The following SEMA6D variants were observed in gnomAD, a reference collection of about 807,000 sequenced individuals.
SEMA6D encodes semaphorin 6D, also known as semaphorin-6D.
In SEMA6D, 35 loss-of-function variants were observed where a neutral mutation model predicts 106.6. The observed-to-expected ratio is 0.33, with a 90% CI of 0.25 to 0.44. The LOEUF is 0.44. Among genes scored for constraint, SEMA6D ranks in the 20% least tolerant of loss-of-function variants. The probability of loss-of-function intolerance (pLI) is 1.00; values close to 1 mark genes in which losing one functional copy is unlikely to be tolerated. For synonymous variants in SEMA6D, 499 were observed against 487.7 expected, an observed-to-expected ratio of 1.02 and a Z score of -0.31; for missense variants, 1,185 against 1,345.9, an observed-to-expected ratio of 0.88 and a Z score of 1.87.
In SEMA6D at chr15:47,753,006, C is replaced by CA. The variant is rs35829736; in HGVS notation, c.-54-6727dup. On this transcript the variant is annotated intron_variant, in intron 1 of 18. Transcript: ENST00000536845. The stretch of plus-strand genomic sequence containing the variant: ...CCTGGGCAACAGAGCAAGACACTGT[C>CA]AAAAAAAAAAAATAAGCACATGGGA... Among the ~76,000 whole-genome samples the CA allele has an allele frequency of 7.4e-3, 1,041 of 141,060 alleles. 9 individuals carry two copies. The highest frequency in any genetic ancestry group is 0.023 in the Admixed American group (320 of 14,206). The allele number at this position is 141,060 out of a possible 152,430, so 92.5% of individuals were successfully genotyped here.
At chr15:47,491,597 G>A (rs1399799200) in intron 3 of SEMA6D, among the ~76,000 whole-genome samples, 3 of 152,128 alleles carry the variant, frequency 2.0e-5, no homozygotes, top group African/African-American at 7.2e-5. Context: ...TAATGTAAGT[G>A]AATGGTAGTG....
chr15:47,750,120 A>G (rs949071438), intron 1 of SEMA6D, among the ~76,000 whole-genome samples: 3 of 152,158 alleles, frequency 2.0e-5, no homozygotes, highest in African/African-American at 7.2e-5. Flanking sequence ...CTTCTTTTCA[A>G]AGAAGCCTGG....
intron 3 of SEMA6D, among the ~76,000 whole-genome samples, chr15:47,493,633 T>C (rs1332457133): frequency 6.6e-6 from 1 of 152,184 alleles, no homozygotes; most frequent in African/African-American, 2.4e-5. Flanking sequence ...TTTGAGTGTT[T>C]TCTATTTGTC....
chr15:47,308,850 T>G lies in SEMA6D; in HGVS notation c.-238-103543T>G, dbSNP rs193187242. Among the ~76,000 whole-genome samples the G allele has an allele frequency of 9.8e-5, 15 of 152,356 alleles. No homozygotes were observed. The East Asian group carries it at 2.9e-3, about 29-fold the overall frequency. On this transcript the variant is annotated intron_variant, in intron 1 of 19. Coordinates refer to the SEMA6D transcript ENST00000558014. ...GTAGCTAAAATCAAATAAGTGAAGC[T>G]ACTCTAGTTACTTAAAAGTTCTACA...
intron 3 of SEMA6D, among the ~76,000 whole-genome samples, chr15:47,537,963 G>A (rs1272398499): frequency 2.0e-5 from 3 of 152,144 alleles, no homozygotes; most frequent in Non-Finnish European, 4.4e-5. Flanking sequence ...AGCATTGGAG[G>A]AGTAGACGTG....
chr15:47,199,647 C>T (rs1894588130), intron 1 of SEMA6D, among the ~76,000 whole-genome samples: 1 of 152,010 alleles, frequency 6.6e-6, no homozygotes, highest in African/African-American at 2.4e-5. Flanking sequence ...TTATTTATTC[C>T]ATCTTGACCT....
chr15:47,277,975 G>A (rs1384471241), intron 1 of SEMA6D, among the ~76,000 whole-genome samples: 7 of 152,020 alleles, frequency 4.6e-5, no homozygotes, highest in Middle Eastern at 3.2e-3. Context: ...GTATTCCATG[G>A]TGTATATGTA....
chr15:47,581,320 A>G (rs1481100080), intron 3 of SEMA6D: 1 of 486,554 alleles, frequency 2.1e-6, no homozygotes, highest in South Asian at 1.5e-5. Flanking sequence ...AGTGATTTTT[A>G]GGAACACATA....
intron 1 of SEMA6D, among the ~76,000 whole-genome samples, chr15:47,331,652 G>A (rs917070151): frequency 6.6e-6 from 1 of 152,070 alleles, no homozygotes; most frequent in African/African-American, 2.4e-5. Context: ...CAGTATCTTT[G>A]GATGGTGTAA....
At chr15:47,695,359 G>T (rs1218399186) in intron 4 of SEMA6D, among the ~76,000 whole-genome samples, 1 of 152,152 alleles carries the variant, frequency 6.6e-6, no homozygotes, top group Admixed American at 6.5e-5. Context: ...GACAGTTTGA[G>T]CATCTTCCTT....
chr15:47,474,002 CT>C (rs2042931510), intron 3 of SEMA6D, among the ~76,000 whole-genome samples: 1 of 152,118 alleles, frequency 6.6e-6, no homozygotes, highest in African/African-American at 2.4e-5. Flanking sequence ...AGCCGGAAGC[CT>C]GGGAAGGCTG....
chr15:47,387,280 T>A (rs1364213413), intron 1 of SEMA6D, among the ~76,000 whole-genome samples: 4 of 152,214 alleles, frequency 2.6e-5, no homozygotes, highest in African/African-American at 9.6e-5. Context: ...TCCATTTTAC[T>A]GATATTAAGG....
At chr15:47,348,961 T>C (rs1457957671) in intron 1 of SEMA6D, among the ~76,000 whole-genome samples, 1 of 152,072 alleles carries the variant, frequency 6.6e-6, no homozygotes, top group Non-Finnish European at 1.5e-5. Flanking sequence ...CCCTTGTTCT[T>C]AGCCAAGCAG....
intron 3 of SEMA6D, among the ~76,000 whole-genome samples, chr15:47,477,700 CAGTG>C (rs771704443): frequency 2.8e-4 from 42 of 152,036 alleles, no homozygotes; most frequent in Non-Finnish European, 5.4e-4. Flanking sequence ...TTGGGTGACA[CAGTG>C]AGAAGTATTT....
intron 4 of SEMA6D, among the ~76,000 whole-genome samples, chr15:47,670,328 G>A (rs1013815108): frequency 1.3e-5 from 2 of 152,208 alleles, no homozygotes; most frequent in South Asian, 2.1e-4. Flanking sequence ...TAACTTCACC[G>A]CAGAGAACAT....
chr15:47,675,484 C>A (rs940767500), intron 4 of SEMA6D, among the ~76,000 whole-genome samples: 2 of 152,102 alleles, frequency 1.3e-5, no homozygotes, highest in African/African-American at 2.4e-5. Flanking sequence ...AGGAGAGGGA[C>A]CTCAGGGAAA....
At chr15:47,710,474 C>T (rs1165043717) in intron 4 of SEMA6D, among the ~76,000 whole-genome samples, 1 of 151,938 alleles carries the variant, frequency 6.6e-6, no homozygotes, top group African/African-American at 2.4e-5. Flanking sequence ...TAATTATGAC[C>T]CAGAAATTCA....
intron 1 of SEMA6D, among the ~76,000 whole-genome samples, chr15:47,267,227 A>G (rs1020884867): frequency 6.6e-6 from 1 of 152,070 alleles, no homozygotes; most frequent in Non-Finnish European, 1.5e-5. Flanking sequence ...TATTCTTGAT[A>G]TATACTTTTG....
At chr15:47,306,237 C>G (rs1212040263) in intron 1 of SEMA6D, among the ~76,000 whole-genome samples, 1 of 151,976 alleles carries the variant, frequency 6.6e-6, no homozygotes, top group Non-Finnish European at 1.5e-5. Flanking sequence ...CCCACCTCGG[C>G]CTCCCAAATT....
Sources: allele counts gnomAD v4.1 joint callset (sites outside exome capture counted in the v4.1 genomes callset), GRCh38; gene constraint gnomAD v4.1.1; transcripts MANE v1.5; gene names NCBI Gene and HGNC (gene_info 2026-07-23, HGNC 2026-07-21).